Variants in MAGI2 observed in about 807,000 individuals in gnomAD.
The protein encoded by MAGI2 is membrane-associated guanylate kinase, WW and PDZ domain-containing protein 2.
Under a neutral mutation model 133.3 loss-of-function variants are expected in MAGI2, and 35 were observed. The ratio of observed to expected loss-of-function variants is 0.26; its 90% CI spans 0.20 to 0.35. MAGI2 has a LOEUF of 0.35. Among genes scored for constraint, MAGI2 ranks in the 10% least tolerant of loss-of-function variants. The probability of loss-of-function intolerance (pLI) is 1.00; values close to 1 mark genes in which losing one functional copy is unlikely to be tolerated. For missense variants in MAGI2, 1,636 were observed against 1,863.4 expected (o/e 0.88, Z 2.25); for synonymous variants, 729 against 710.6 (o/e 1.03, Z -0.41).
chr7:78,742,859 G>T (rs537827006), intron 2 of MAGI2, among the ~76,000 whole-genome samples: 4 of 152,304 alleles, frequency 2.6e-5, no homozygotes, highest in African/African-American at 7.2e-5. Flanking sequence ...GACCCAGGAT[G>T]CAAGTAGTCT....
At chr7:78,345,890 T>G (rs1179069325) in intron 8 of MAGI2, 32 bp downstream of exon 8, 4 of 1,607,478 alleles carry the variant, frequency 2.5e-6, no homozygotes, top group Non-Finnish European at 3.4e-6. Flanking sequence ...CAATTTTCCC[T>G]TTGAAACATC....
At chr7:79,319,303 C>A (rs1247949717) in intron 1 of MAGI2, among the ~76,000 whole-genome samples, 1 of 152,130 alleles carries the variant, frequency 6.6e-6, no homozygotes, top group Admixed American at 6.6e-5. Flanking sequence ...ATGCAATAAA[C>A]ACCCTGTAAT....
In MAGI2 at chr7:78,195,640, T is replaced by C. The variant is rs768225426; in HGVS notation, c.2080-577A>G. Among the ~76,000 whole-genome samples, 172 of 152,336 alleles carry C rather than the reference T, an allele frequency of 1.1e-3. 1 individual carries two copies. Among genetic ancestry groups the C allele is most frequent in the Admixed American group, 2.1e-3 (32 of 15,300 alleles). On this transcript the variant is annotated intron_variant, in intron 11 of 21. Coordinates refer to ENST00000354212, the MANE Select transcript of MAGI2 (RefSeq NM_012301.4). ...AAGTCTTCTAGGAAGCCTCATTTACTGTGGATCTGGTGGTTCCTCCCCCAG... is the reference window on the plus strand; with the variant it reads ...AAGTCTTCTAGGAAGCCTCATTTACCGTGGATCTGGTGGTTCCTCCCCCAG...
intron 1 of MAGI2, among the ~76,000 whole-genome samples, chr7:79,310,124 A>G (rs1224730499): frequency 1.5e-5 from 2 of 130,756 alleles, no homozygotes; most frequent in African/African-American, 5.5e-5. Flanking sequence ...AGATCGTGCT[A>G]CTGCACTCAA....
At chr7:79,338,356 G>C (rs562191221) in intron 1 of MAGI2, among the ~76,000 whole-genome samples, 2 of 152,064 alleles carry the variant, frequency 1.3e-5, no homozygotes, top group Admixed American at 1.3e-4. Context: ...TAGGTGGTCT[G>C]GTGACCAGAC....
chr7:78,046,365 G>A (rs919343359), intron 21 of MAGI2, among the ~76,000 whole-genome samples: 1 of 150,678 alleles, frequency 6.6e-6, no homozygotes, highest in Middle Eastern at 3.5e-3. Flanking sequence ...TTGAACCACT[G>A]CTCTCCAACC....
rs561412364 is a variant in MAGI2, at chr7:78,931,812, GAGTTA to G, written c.418+75273_418+75277del. On this transcript the variant is annotated intron_variant, in intron 2 of 21. Coordinates refer to ENST00000354212, the MANE Select transcript of MAGI2 (RefSeq NM_012301.4). ...GATCTTTCCTTTCACTCTCAATTCTGAGTTAAGTTTTTAAAATTGAAAAGTTAAAT... is the reference window on the plus strand; with the variant it reads ...GATCTTTCCTTTCACTCTCAATTCTGAGTTTTTAAAATTGAAAAGTTAAAT... Among the ~76,000 whole-genome samples, 100 of 152,110 alleles carry G rather than the reference GAGTTA, an allele frequency of 6.6e-4. 1 individual carries two copies. The highest frequency in any genetic ancestry group is 2.3e-3 in the African/African-American group (97 of 41,534).
At chr7:78,641,870 G>C (rs371217098) in intron 2 of MAGI2, among the ~76,000 whole-genome samples, 2 of 152,106 alleles carry the variant, frequency 1.3e-5, no homozygotes, top group Non-Finnish European at 2.9e-5. Context: ...GGGGAAATAC[G>C]TGTTTTGTGA....
chr7:79,121,748 T>A (rs888944198), intron 1 of MAGI2, among the ~76,000 whole-genome samples: 1 of 152,126 alleles, frequency 6.6e-6, no homozygotes, highest in African/African-American at 2.4e-5. Flanking sequence ...TAATGAAAGT[T>A]TTTTCTTTCT....
intron 9 of MAGI2, among the ~76,000 whole-genome samples, chr7:78,338,274 C>G (rs1394173286): frequency 6.6e-6 from 1 of 152,126 alleles, no homozygotes; most frequent in African/African-American, 2.4e-5. Flanking sequence ...TTTTTCTAGG[C>G]ATTTCTCACT....
chr7:78,749,070 A>G (rs1404839000), intron 2 of MAGI2, among the ~76,000 whole-genome samples: 2 of 152,252 alleles, frequency 1.3e-5, no homozygotes, highest in African/African-American at 4.8e-5. Context: ...ATAAATAGCC[A>G]AATACAAGCA....
At position 78,603,981 on chromosome 7, in the gene MAGI2, A is replaced by AGCTGATAG. The variant is rs1249591553; in HGVS notation, c.538+23131_538+23138dup. Among the ~76,000 whole-genome samples the AGCTGATAG allele has an allele frequency of 2.6e-5, 4 of 152,208 alleles. No homozygotes were observed. In the East Asian group the frequency reaches 7.7e-4, roughly 29 times the overall value. On this transcript the variant is annotated intron_variant, in intron 3 of 21. Transcript: ENST00000354212. ...TAAGAAATTGTCCTTCATATTTTAG[A>AGCTGATAG]GCTGATAGGCTGGTCGGATTGGCAC...
At chr7:78,678,606 C>T (rs902286638) in intron 2 of MAGI2, among the ~76,000 whole-genome samples, 7 of 152,094 alleles carry the variant, frequency 4.6e-5, no homozygotes, top group South Asian at 2.1e-4. Context: ...CTAACCTAAC[C>T]TATATCTTTC....
intron 10 of MAGI2, among the ~76,000 whole-genome samples, chr7:78,206,921 GC>G (rs1563260869): frequency 3.9e-5 from 6 of 152,144 alleles, no homozygotes; most frequent in Non-Finnish European, 5.9e-5. Context: ...ATGCCCTAAA[GC>G]TGTGTGTTCT....
chr7:78,344,219 A>G (rs1018954999), intron 8 of MAGI2, among the ~76,000 whole-genome samples: 3 of 152,122 alleles, frequency 2.0e-5, no homozygotes, highest in African/African-American at 7.2e-5. Flanking sequence ...ATCAGTTTCC[A>G]CTCATTAAGT....
intron 21 of MAGI2, among the ~76,000 whole-genome samples, chr7:78,034,221 G>A (rs1809916007): frequency 6.6e-6 from 1 of 152,122 alleles, no homozygotes; most frequent in South Asian, 2.1e-4. Flanking sequence ...CTTGTTATAG[G>A]AGGTAGACAT....
intron 2 of MAGI2, among the ~76,000 whole-genome samples, chr7:78,734,334 G>A (rs1325883950): frequency 6.6e-6 from 1 of 152,084 alleles, no homozygotes; most frequent in Non-Finnish European, 1.5e-5. Flanking sequence ...CCACTCAAAA[G>A]CCTCTGAATG....
At chr7:79,340,299 C>T (rs1208059973) in intron 1 of MAGI2, among the ~76,000 whole-genome samples, 1 of 152,050 alleles carries the variant, frequency 6.6e-6, no homozygotes, top group Non-Finnish European at 1.5e-5. Context: ...TGTCTATTCT[C>T]ATGTCTCCTC....
intron 2 of MAGI2, among the ~76,000 whole-genome samples, chr7:78,639,871 T>C (rs1810092893): frequency 6.6e-6 from 1 of 152,118 alleles, no homozygotes; most frequent in South Asian, 2.1e-4. Flanking sequence ...AGTGACTTGT[T>C]CAAATCAAAT....
Sources: gnomAD v4.1 joint callset for allele counts (sites outside exome capture counted in the v4.1 genomes callset) on GRCh38, gnomAD v4.1.1 for gene constraint, MANE v1.5 for transcripts, NCBI Gene and HGNC (gene_info 2026-07-23, HGNC 2026-07-21) for gene names.